Variants in PAH observed in about 807,000 individuals in gnomAD.
The protein encoded by PAH is phenylalanine hydroxylase.
A neutral mutation model predicts 62.0 loss-of-function variants in PAH; 64 were observed. The observed-to-expected ratio is 1.03, with a 90% CI of 0.84 to 1.27. PAH has a LOEUF of 1.27. Among genes scored for constraint, PAH ranks in the 50% most tolerant of loss-of-function variants. The probability of loss-of-function intolerance (pLI) is 0.00; values close to 1 mark genes in which losing one functional copy is unlikely to be tolerated. For synonymous variants in PAH, 195 were observed against 196.2 expected (o/e 0.99, Z 0.05); for missense variants, 579 against 542.8 (o/e 1.07, Z -0.66).
chr12:102,855,269 G>T lies in PAH; in HGVS notation c.573C>A (p.Phe191Leu). ...EEEKKTWGTV[F>L]KTLKSLYKTH... ...TTTTATACAAGGACTTCAGAGTCTT[G>T]AACACTGTGCCCCATGTTTTCTTTT... Residue 191 changes from phenylalanine (F) to leucine (L), a missense_variant, in exon 6 of 13, where the codon TTC becomes TTA. Phe to Leu is a conservative substitution (Grantham distance 22). Coordinates refer to ENST00000553106, the MANE Select transcript of PAH (RefSeq NM_000277.3). 1 of 1,614,080 alleles carries T rather than the reference G, an allele frequency of 6.2e-7. No homozygotes were observed. The highest frequency in any genetic ancestry group is 8.5e-7 in the Non-Finnish European group (1 of 1,179,958).
upstream of PAH, among the ~76,000 whole-genome samples, chr12:102,954,991 T>C (rs1480091650): frequency 6.6e-6 from 1 of 152,078 alleles, no homozygotes; most frequent in Non-Finnish European, 1.5e-5. Context: ...AAACTTAGCA[T>C]ACTAGGGTGA....
intron 2 of PAH, among the ~76,000 whole-genome samples, chr12:102,904,551 T>C (rs1011280057): frequency 6.6e-6 from 1 of 152,218 alleles, no homozygotes; most frequent in Admixed American, 6.5e-5. Context: ...ATTTTTCAGA[T>C]ATAATGACCC....
intron 8 of PAH, 53 bp from the exon 9 acceptor site, chr12:102,847,004 A>T (rs1056926074): frequency 6.8e-7 from 1 of 1,481,122 alleles, no homozygotes; most frequent in African/African-American, 1.4e-5. Context: ...GGAACCACAG[A>T]ACCAACCTAG....
chr12:102,877,950 C>T (rs1211814815), intron 3 of PAH, among the ~76,000 whole-genome samples: 1 of 152,100 alleles, frequency 6.6e-6, no homozygotes, highest in Non-Finnish European at 1.5e-5. Context: ...CTCAGCCTCC[C>T]GAGTAGCTGG....
chr12:102,869,951 A>G (rs1180443096), intron 4 of PAH, among the ~76,000 whole-genome samples: 1 of 152,218 alleles, frequency 6.6e-6, no homozygotes, highest in Non-Finnish European at 1.5e-5. Context: ...CCCTGTCTCA[A>G]TTAAACTAAT....
At chr12:102,846,257 T>G (rs565860363) in intron 9 of PAH, among the ~76,000 whole-genome samples, 167 of 152,362 alleles carry the variant, frequency 1.1e-3, no homozygotes, top group Admixed American at 2.5e-3. Flanking sequence ...CTGATATATC[T>G]TAATAATAGA....
intron 4 of PAH, among the ~76,000 whole-genome samples, chr12:102,874,206 G>C (rs1163459558): frequency 2.0e-5 from 3 of 152,164 alleles, no homozygotes. Flanking sequence ...AGGTGGGTTG[G>C]CAAGAAAAAA....
chr12:102,838,895 T>G lies in PAH; in HGVS notation c.*280A>C, dbSNP rs1351839319. 6.2e-6 allele frequency: 3 copies of G among 481,458 alleles called. No homozygotes were observed. The highest frequency in any genetic ancestry group is 1.1e-5 in the Non-Finnish European group (3 of 268,016). The allele number at this position is 481,458 out of a possible 1,614,324, so 29.8% of individuals were successfully genotyped here. A position where few individuals can be genotyped will look rare whatever the true frequency, so the allele number is the denominator to read the frequency against. On this transcript the variant is annotated 3_prime_UTR_variant, in exon 13 of 13. Transcript: ENST00000553106. ...GGTCCCAAATTTTAATTAATCTTGA[T>G]GAAATGCGACAGATTACTGATTTAA...
rs770906256 is a variant in PAH, at chr12:102,839,197, C to T, written c.1337G>A (p.Ser446Asn). 4 of 1,613,894 alleles carry T rather than the reference C, an allele frequency of 2.5e-6. No individual in the cohort carries two copies. The highest frequency in any genetic ancestry group is 3.4e-6 in the Non-Finnish European group (4 of 1,179,840). ...GCTTTACTTTATTTTCTGGAGGGCA[C>T]TGCAAAGGATTCCAATTTCACCTAC... is the stretch of plus-strand genomic sequence containing the variant. ...SINSEIGILC[S>N]ALQKIK The change falls in exon 13 of 13, where the codon AGT (serine) becomes AAT (asparagine). Residue 446 changes from serine to asparagine, a missense_variant. Ser to Asn is a conservative substitution (Grantham distance 46, BLOSUM62 1). Transcript: ENST00000553106.
chr12:102,890,755 C>T (rs1393237214), intron 3 of PAH, among the ~76,000 whole-genome samples: 5 of 152,112 alleles, frequency 3.3e-5, no homozygotes, highest in African/African-American at 1.2e-4. Context: ...CCAATAAACC[C>T]AACTTTTATT....
chr12:102,923,117 G>A (rs1592993624), intron 1 of PAH, among the ~76,000 whole-genome samples: 1 of 152,202 alleles, frequency 6.6e-6, no homozygotes, highest in Non-Finnish European at 1.5e-5. Flanking sequence ...GACATCACTT[G>A]AGTAAATCAA....
rs545030558 is a variant in PAH at position 102,859,001 on chromosome 12, C to CA, written c.510-3670dup. ...AGCAGAACTGAAGGAGATAGAGACACAAAAAAACCTTCAAAAAATCAATGA... is the reference window on the plus strand; with the variant it reads ...AGCAGAACTGAAGGAGATAGAGACACAAAAAAAACCTTCAAAAAATCAATGA... On this transcript the variant is annotated intron_variant, in intron 5 of 12. Transcript: ENST00000553106. Among the ~76,000 whole-genome samples, 193 of 151,632 alleles carry CA rather than the reference C, an allele frequency of 1.3e-3. 1 individual carries two copies. Among genetic ancestry groups the CA allele is most frequent in the Admixed American group, 2.3e-3 (35 of 15,242 alleles).
intron 5 of PAH, among the ~76,000 whole-genome samples, chr12:102,859,007 A>G (rs1875581602): frequency 6.6e-6 from 1 of 152,096 alleles, no homozygotes; most frequent in Non-Finnish European, 1.5e-5. Flanking sequence ...GACACAAAAA[A>G]ACCTTCAAAA....
At chr12:102,894,656 C>T in intron 3 of PAH, 79 bp downstream of exon 3, 1 of 1,052,384 alleles carries the variant, frequency 9.5e-7, no homozygotes, top group South Asian at 1.3e-5. Context: ...TTTAAATATG[C>T]TGTTAAATAT....
Position 102,843,795 on chromosome 12 carries a change from G to A in PAH, c.1066-16C>T, listed in dbSNP as rs1054762308. 6 of 1,612,726 alleles carry A rather than the reference G, an allele frequency of 3.7e-6. No homozygotes were observed. The African/African-American group carries it at 8.0e-5, about 22-fold the overall frequency. ...ATAAGCAGTACTGTAGGCCCCAAGT[G>A]AAAAGTTATTATCACTGTTAAATCA... On this transcript the variant is annotated splice_polypyrimidine_tract_variant and intron_variant, in intron 10 of 12. Transcript: ENST00000553106.
chr12:102,868,937 T>A (rs990175382), intron 4 of PAH, among the ~76,000 whole-genome samples: 2 of 152,216 alleles, frequency 1.3e-5, no homozygotes, highest in Non-Finnish European at 2.9e-5. Context: ...TAAGGCACCT[T>A]GTAGAAAGGT....
chr12:102,895,869 A>ATATATATATATATATAT (rs1555208129), intron 2 of PAH, among the ~76,000 whole-genome samples: 3 of 118,746 alleles, frequency 2.5e-5, no homozygotes, highest in African/African-American at 1.1e-4. Context: ...AAAAAAAAAA[A>ATATATATATATATATAT]ATATATATAT....
intron 1 of PAH, among the ~76,000 whole-genome samples, chr12:102,932,855 G>A (rs988712798): frequency 1.1e-4 from 17 of 152,056 alleles, no homozygotes; most frequent in African/African-American, 4.1e-4. Flanking sequence ...GTATATTTAT[G>A]GAGTACATAA....
chr12:102,917,996 G>A (rs1336632082), upstream of PAH, among the ~76,000 whole-genome samples: 1 of 152,222 alleles, frequency 6.6e-6, no homozygotes, highest in African/African-American at 2.4e-5. Context: ...GTGCTTGGTG[G>A]TGTTCTAGTC....
Sources: allele counts gnomAD v4.1 joint callset (sites outside exome capture counted in the v4.1 genomes callset), GRCh38; gene constraint gnomAD v4.1.1; transcripts MANE v1.5; gene names NCBI Gene and HGNC (gene_info 2026-07-23, HGNC 2026-07-21).